TRPM3: variants seen among roughly 807,000 people sequenced by gnomAD.
TRPM3 encodes transient receptor potential cation channel subfamily M member 3.
Under a neutral mutation model 181.2 loss-of-function variants are expected in TRPM3, and 77 were observed. The ratio of observed to expected loss-of-function variants is 0.42; its 90% CI spans 0.35 to 0.51. TRPM3 has a LOEUF of 0.51. TRPM3 is among the 20% of genes least tolerant of loss of function. TRPM3 has a pLI of 0.01. For synonymous variants in TRPM3, 745 were observed against 796.4 expected, an observed-to-expected ratio of 0.94 and a Z score of 1.09; for missense variants, 1,759 against 2,196.7, an observed-to-expected ratio of 0.80 and a Z score of 3.98.
At chr9:70,773,804 C>T (rs779236899) in intron 7 of TRPM3, among the ~76,000 whole-genome samples, 53 of 152,010 alleles carry the variant, frequency 3.5e-4, no homozygotes, top group Non-Finnish European at 6.0e-4. Context: ...GCAGAGTCGA[C>T]GAAAAAATGG....
intron 1 of TRPM3, among the ~76,000 whole-genome samples, chr9:71,409,762 G>A (rs1268446752): frequency 6.6e-6 from 1 of 152,012 alleles, no homozygotes; most frequent in Non-Finnish European, 1.5e-5. Context: ...GTGGACCTAA[G>A]AGACATCTAC....
chr9:70,603,418 A>C lies in TRPM3; in HGVS notation c.2720T>G (p.Met907Arg). 6.2e-7 allele frequency: 1 copy of C among 1,614,122 alleles called. No homozygotes were observed. The highest frequency in any genetic ancestry group is 1.1e-5 in the South Asian group (1 of 91,088). ...MLFNYIVLVKMERWPSTQEWI... is the reference protein window; with the variant it reads ...MLFNYIVLVKRERWPSTQEWI... The stretch of plus-strand genomic sequence containing the variant: ...TTCCTGGGTGGACGGCCAGCGTTCC[A>C]TCTTCACTAACACGATATAGTTGAA... Residue 907 changes from methionine (M) to arginine (R), a missense_variant, in exon 20 of 26, where the codon ATG becomes AGG. Transcript: ENST00000677713.
At chr9:71,263,795 T>C (rs2083215613) in intron 1 of TRPM3, among the ~76,000 whole-genome samples, 1 of 152,122 alleles carries the variant, frequency 6.6e-6, no homozygotes, top group South Asian at 2.1e-4. Context: ...TTCTTTTTAT[T>C]TTGAGACAGA....
chr9:71,030,254 C>T (rs1465165890), intron 1 of TRPM3, among the ~76,000 whole-genome samples: 1 of 151,914 alleles, frequency 6.6e-6, no homozygotes, highest in African/African-American at 2.4e-5. Flanking sequence ...TATTTCAATC[C>T]TAAATTTTAA....
At chr9:71,177,243 T>A (rs990056735) in intron 1 of TRPM3, among the ~76,000 whole-genome samples, 10 of 152,134 alleles carry the variant, frequency 6.6e-5, no homozygotes, top group Admixed American at 2.0e-4. Context: ...GGGCTCCTAC[T>A]GATTCTACAT....
chr9:70,963,967 G>C (rs1240835937), intron 1 of TRPM3, among the ~76,000 whole-genome samples: 3 of 151,906 alleles, frequency 2.0e-5, no homozygotes, highest in Non-Finnish European at 4.4e-5. Flanking sequence ...TGTTTTCTCT[G>C]GTGGTTTCTT....
At chr9:71,261,203 T>C (rs10869002) in intron 1 of TRPM3, among the ~76,000 whole-genome samples, 81,485 of 152,038 alleles carry the variant, frequency 0.54, 21,901 homozygotes, top group Middle Eastern at 0.59. Context: ...TGTTCATTCC[T>C]TTTCATTCTT....
At chr9:70,603,274 C>T in intron 20 of TRPM3, 68 bp downstream of exon 20, 1 of 1,545,858 alleles carries the variant, frequency 6.5e-7, no homozygotes, top group Non-Finnish European at 8.8e-7. Context: ...ATCTTCCTGT[C>T]CCCTCCATCC....
chr9:71,066,472 C>T (rs765717594), intron 1 of TRPM3, among the ~76,000 whole-genome samples: 12 of 152,130 alleles, frequency 7.9e-5, no homozygotes, highest in South Asian at 2.1e-4. Flanking sequence ...CAGGTCTTCC[C>T]GGTCATAAAT....
In TRPM3 at chr9:71,257,561, A is replaced by G. The variant is rs186350204; in HGVS notation, c.183+189092T>C. ...ATGAGATATTTTTCAATAAAATAGC[A>G]AAGCACGGGCCTGATTAAGCTATTT... On this transcript the variant is annotated intron_variant, in intron 1 of 24. Coordinates refer to the TRPM3 transcript ENST00000357533. 2.7e-3 allele frequency among the ~76,000 whole-genome samples: 413 copies of G among 152,340 alleles called. 5 individuals are homozygous for G. The highest frequency in any genetic ancestry group is 9.7e-3 in the African/African-American group (403 of 41,596).
chr9:71,220,356 T>TTTTTTATTATTA (rs376042167), intron 1 of TRPM3, among the ~76,000 whole-genome samples: 108 of 145,932 alleles, frequency 7.4e-4, no homozygotes, highest in African/African-American at 2.5e-3. Flanking sequence ...AAAAGTCTGA[T>TTTTTTATTATTA]TTATTATTAT....
chr9:71,311,816 T>TA (rs1281750305), intron 1 of TRPM3, among the ~76,000 whole-genome samples: 2 of 151,606 alleles, frequency 1.3e-5, no homozygotes, highest in Non-Finnish European at 2.9e-5. Context: ...AATATAAAAA[T>TA]AAAAAAACAA....
At chr9:71,031,972 T>TTA (rs1357270207) in intron 1 of TRPM3, among the ~76,000 whole-genome samples, 18 of 638 alleles carry the variant, frequency 0.028, no homozygotes, top group African/African-American at 0.042. Context: ...TATATATATA[T>TTA]TATATATATA....
At chr9:71,428,948 GAAAAA>G (rs34737844) in intron 1 of TRPM3, among the ~76,000 whole-genome samples, 1 of 121,998 alleles carries the variant, frequency 8.2e-6, no homozygotes, top group African/African-American at 3.2e-5. Flanking sequence ...TGTTTCAAAG[GAAAAA>G]AAAAAAAAAA....
At chr9:71,253,350 G>A (rs888326376) in intron 1 of TRPM3, among the ~76,000 whole-genome samples, 3 of 152,106 alleles carry the variant, frequency 2.0e-5, no homozygotes, top group African/African-American at 7.2e-5. Flanking sequence ...TTGCTTTCCT[G>A]GGGGACATTT....
At chr9:71,401,319 T>C (rs1030546385) in intron 1 of TRPM3, among the ~76,000 whole-genome samples, 3 of 151,792 alleles carry the variant, frequency 2.0e-5, no homozygotes, top group Admixed American at 6.6e-5. Flanking sequence ...GAAGGTTAGA[T>C]CAGAGTAGGC....
rs539576570 is a variant in TRPM3 at position 71,333,134 on chromosome 9, C to T, written c.183+113519G>A. Among the ~76,000 whole-genome samples the T allele has an allele frequency of 1.4e-3, 211 of 151,956 alleles. 2 individuals are homozygous for T. Among genetic ancestry groups the T allele is most frequent in the Non-Finnish European group, 2.8e-3 (188 of 67,952 alleles). ...AAAAGATAGTGACAATGACACTCAA[C>T]AGAGATCACAAACTCAACTGTGTAT... is the stretch of plus-strand genomic sequence containing the variant. On this transcript the variant is annotated intron_variant, in intron 1 of 24. Transcript: ENST00000357533.
intron 7 of TRPM3, chr9:70,776,173 C>T (rs1010051728): frequency 1.6e-5 from 5 of 310,218 alleles, no homozygotes; most frequent in African/African-American, 6.4e-5. Flanking sequence ...AAACCCGCAC[C>T]TTGTCTGTAT....
At chr9:70,839,562 C>A (rs1257425335) in intron 5 of TRPM3, among the ~76,000 whole-genome samples, 1 of 151,980 alleles carries the variant, frequency 6.6e-6, no homozygotes, top group East Asian at 1.9e-4. Context: ...GAGAGCCAGC[C>A]CCACAAAAAT....
Sources: allele counts gnomAD v4.1 joint callset (sites outside exome capture counted in the v4.1 genomes callset), GRCh38; gene constraint gnomAD v4.1.1; transcripts MANE v1.5; gene names NCBI Gene and HGNC (gene_info 2026-07-23, HGNC 2026-07-21).